The following SCD5 variants were observed in gnomAD, a reference collection of about 807,000 sequenced individuals.
SCD5 encodes the protein stearoyl-CoA desaturase 5, also known as acyl-CoA-desaturase 4.
In SCD5, 20 loss-of-function variants were observed where a neutral mutation model predicts 30.4. That is an observed-to-expected ratio of 0.66 (90% CI 0.46 to 0.96). The LOEUF (loss-of-function observed/expected upper bound fraction) is 0.96, where lower values mean the gene tolerates loss of function less well. Ranked by LOEUF, SCD5 falls within the 40% of genes least tolerant of loss-of-function variation. The probability of loss-of-function intolerance (pLI) is 0.00; values close to 1 mark genes in which losing one functional copy is unlikely to be tolerated. For missense variants in SCD5, 381 were observed against 443.3 expected (o/e 0.86, Z 1.26); for synonymous variants, 173 against 176.4 (o/e 0.98, Z 0.16).
chr4:82,709,024 T>G (rs1720025501), intron 1 of SCD5, among the ~76,000 whole-genome samples: 1 of 152,144 alleles, frequency 6.6e-6, no homozygotes, highest in African/African-American at 2.4e-5. Context: ...CATTATGATC[T>G]CCATCTTACA....
At chr4:82,670,676 T>A (rs1322111530) in intron 3 of SCD5, among the ~76,000 whole-genome samples, 1 of 151,850 alleles carries the variant, frequency 6.6e-6, no homozygotes, top group Non-Finnish European at 1.5e-5. Flanking sequence ...ATGGCAAATA[T>A]CAATTCCATA....
rs762732703 is a variant in SCD5 at position 82,712,243 on chromosome 4, CATATATATATATATATATAT to C, written c.233-6850_233-6831del. ...ATAGGTCTGGGGAGGGACCAACTAA[CATATATATATATATATATAT>C]ATATATATATATATATATATATATA... On this transcript the variant is annotated intron_variant, in intron 1 of 4. Coordinates refer to ENST00000319540, the MANE Select transcript of SCD5 (RefSeq NM_001037582.3). Among the ~76,000 whole-genome samples, 200 of 28,826 alleles carry C rather than the reference CATATATATATATATATATAT, an allele frequency of 6.9e-3. 13 individuals are homozygous for C. Among genetic ancestry groups the C allele is most frequent in the East Asian group, 0.026 (33 of 1,264 alleles). The allele number at this position is 28,826 out of a possible 152,430, so 18.9% of individuals were successfully genotyped here. A position where few individuals can be genotyped will look rare whatever the true frequency, so the allele number is the denominator to read the frequency against.
chr4:82,719,534 C>T (rs190047157), intron 1 of SCD5, among the ~76,000 whole-genome samples: 60 of 146,286 alleles, frequency 4.1e-4, no homozygotes, highest in African/African-American at 1.5e-3. Context: ...GACGGAGCGT[C>T]GCTCTGTCGC....
chr4:82,704,205 A>T (rs1719921353), intron 2 of SCD5, among the ~76,000 whole-genome samples: 1 of 152,250 alleles, frequency 6.6e-6, no homozygotes, highest in African/African-American at 2.4e-5. Context: ...ATTCCGCATC[A>T]GGTTGTCTCG....
intron 1 of SCD5, among the ~76,000 whole-genome samples, chr4:82,733,120 G>A (rs1421252711): frequency 6.6e-6 from 1 of 152,124 alleles, no homozygotes. Flanking sequence ...ATGAACTAGG[G>A]AACTGAGAAG....
chr4:82,759,398 C>T (rs982557126), intron 1 of SCD5, among the ~76,000 whole-genome samples: 7 of 152,190 alleles, frequency 4.6e-5, no homozygotes, highest in Non-Finnish European at 1.0e-4. Flanking sequence ...AGCGGCCCTC[C>T]GTAACAACAA....
intron 2 of SCD5, among the ~76,000 whole-genome samples, chr4:82,698,530 T>C (rs942085182): frequency 6.6e-6 from 1 of 152,228 alleles, no homozygotes; most frequent in African/African-American, 2.4e-5. Flanking sequence ...TGTCACTCCC[T>C]GCCTAAGACC....
rs188219849 is a variant in SCD5, at chr4:82,740,846, C to T, written c.233-35433G>A. On this transcript the variant is annotated intron_variant, in intron 1 of 4. Transcript: ENST00000319540. ...AAATCTGCTCAGAAAAAGTCTAGAA[C>T]CAGAACTGACAGAGGCAGAATTCTG... Among the ~76,000 whole-genome samples, 284 of 152,302 alleles carry T rather than the reference C, an allele frequency of 1.9e-3. 2 individuals are homozygous for T. The highest frequency in any genetic ancestry group is 6.5e-3 in the African/African-American group (272 of 41,558).
intron 3 of SCD5, among the ~76,000 whole-genome samples, chr4:82,637,477 C>T (rs1727457499): frequency 6.6e-6 from 1 of 152,196 alleles, no homozygotes; most frequent in Admixed American, 6.5e-5. Flanking sequence ...TGAGTACCTG[C>T]TATGTGCCAG....
At chr4:82,780,795 C>T (rs1721849833) in intron 1 of SCD5, among the ~76,000 whole-genome samples, 1 of 152,258 alleles carries the variant, frequency 6.6e-6, no homozygotes, top group Non-Finnish European at 1.5e-5. Flanking sequence ...ACTGAAGAAA[C>T]ACCTGGCCAC....
At chr4:82,731,166 A>G (rs1482590472) in intron 1 of SCD5, among the ~76,000 whole-genome samples, 1 of 152,218 alleles carries the variant, frequency 6.6e-6, no homozygotes, top group Non-Finnish European at 1.5e-5. Context: ...GGGTAGGGGC[A>G]GAGAGGATAC....
intron 3 of SCD5, among the ~76,000 whole-genome samples, chr4:82,654,515 C>CA (rs780678693): frequency 2.6e-5 from 4 of 152,174 alleles, no homozygotes; most frequent in Non-Finnish European, 4.4e-5. Flanking sequence ...TTAAATAAAA[C>CA]ATTTTTTTTT....
intron 1 of SCD5, among the ~76,000 whole-genome samples, chr4:82,743,973 G>T (rs746160965): frequency 2.6e-5 from 4 of 151,934 alleles, no homozygotes; most frequent in Non-Finnish European, 5.9e-5. Context: ...CTACAGGCAC[G>T]CACCACCACA....
chr4:82,769,333 G>T (rs944876747), intron 1 of SCD5, among the ~76,000 whole-genome samples: 7 of 152,128 alleles, frequency 4.6e-5, no homozygotes, highest in Admixed American at 3.3e-4. Flanking sequence ...GACTCTCATG[G>T]TTAATAAATT....
chr4:82,777,203 C>T (rs757844398), intron 1 of SCD5, among the ~76,000 whole-genome samples: 45 of 152,320 alleles, frequency 3.0e-4, no homozygotes, highest in East Asian at 7.7e-4. Flanking sequence ...AGATGAAGAA[C>T]TGAGATGGCG....
intron 1 of SCD5, among the ~76,000 whole-genome samples, chr4:82,737,253 AG>A (rs1720771167): frequency 3.9e-5 from 6 of 152,218 alleles, no homozygotes; most frequent in Admixed American, 3.9e-4. Flanking sequence ...ATTACTAAGG[AG>A]GCTGAGTCCT....
chr4:82,710,889 C>T (rs942375165), intron 1 of SCD5, among the ~76,000 whole-genome samples: 2 of 40,262 alleles, frequency 5.0e-5, no homozygotes, highest in African/African-American at 8.3e-5. Flanking sequence ...AAAGAGAAAA[C>T]GAGACAGAGA....
Position 82,798,441 on chromosome 4 carries a change from G to GGCC in SCD5, c.94_96dup (p.Gly32dup), listed in dbSNP as rs762644193. 3.7e-6 allele frequency: 6 copies of GGCC among 1,613,042 alleles called. No individual in the cohort carries two copies. Among genetic ancestry groups the GGCC allele is most frequent in the South Asian group, 2.2e-5 (2 of 91,034 alleles). ...TGCCCGCGCGCGCCTGGCCTCTCCG[G>GGCC]GCCGCCGCCGCCCTCAGAGCTTTCG... On this transcript the variant is annotated inframe_insertion, in exon 1 of 5. Coordinates refer to ENST00000319540, the MANE Select transcript of SCD5 (RefSeq NM_001037582.3).
At chr4:82,767,877 A>C (rs1721527083) in intron 1 of SCD5, among the ~76,000 whole-genome samples, 1 of 152,218 alleles carries the variant, frequency 6.6e-6, no homozygotes, top group Non-Finnish European at 1.5e-5. Context: ...CATGCTACAG[A>C]GGACCCTCTG....
Sources: allele counts gnomAD v4.1 joint callset (sites outside exome capture counted in the v4.1 genomes callset), GRCh38; gene constraint gnomAD v4.1.1; transcripts MANE v1.5; gene names NCBI Gene and HGNC (gene_info 2026-07-23, HGNC 2026-07-21).